The following THBS2 variants were observed in gnomAD, a reference collection of about 807,000 sequenced individuals.
THBS2 encodes thrombospondin-2.
THBS2 carries 47 observed loss-of-function variants against 135.2 expected under a neutral mutation model. The ratio of observed to expected loss-of-function variants is 0.35; its 90% confidence interval spans 0.28 to 0.44. THBS2 has a LOEUF of 0.44. Ranked by LOEUF, THBS2 falls within the 20% of genes least tolerant of loss-of-function variation. The probability of loss-of-function intolerance (pLI) is 1.00; values close to 1 mark genes in which losing one functional copy is unlikely to be tolerated. For synonymous variants in THBS2, 639 were observed against 633.8 expected, an observed-to-expected ratio of 1.01 and a Z score of -0.12; for missense variants, 1,288 against 1,603.1, an observed-to-expected ratio of 0.80 and a Z score of 3.36.
intron 4 of THBS2, among the ~76,000 whole-genome samples, chr6:169,242,866 T>TC: frequency 1.2e-5 from 1 of 86,042 alleles, no homozygotes; most frequent in Non-Finnish European, 2.2e-5. Context: ...CCTTCCCACC[T>TC]TCCCACCTTC....
Position 169,237,336 on chromosome 6 carries a change from G to A in THBS2, c.1311C>T (p.Asp437=), listed in dbSNP as rs756305296. 40 of 1,613,078 alleles carry A rather than the reference G, an allele frequency of 2.5e-5. No homozygotes were observed. The East Asian group carries it at 6.9e-4, about 28-fold the overall frequency. Residue 437 remains aspartate (D), a synonymous_variant, in exon 9 of 22, where the codon GAC becomes GAT. Transcript: ENST00000617924. ...AAGGTGACCAGTGGCTCCAGCCGCC[G>A]TCCTGCCGGACTAACACAAGAAGCG... ...LSKCDTRIRQ[D]GGWSHWSPWS...
At position 169,238,590 on chromosome 6, in the gene THBS2, A is replaced by G. The variant is rs987364783; in HGVS notation, c.1130-795T>C. ...AGCATTCTGACTTTGTGAATACCTA[A>G]CAGGCACTTTTACGCATATTGAATT... On this transcript the variant is annotated intron_variant, in intron 7 of 21. Coordinates refer to ENST00000617924, the MANE Select transcript of THBS2 (RefSeq NM_003247.5). 2.0e-5 allele frequency among the ~76,000 whole-genome samples: 3 copies of G among 152,252 alleles called. No individual in the cohort carries two copies. The South Asian group carries it at 6.2e-4, about 31-fold the overall frequency.
rs1779221043 is a variant in THBS2 at position 169,217,630 on chromosome 6, G to C, written c.*192C>G. ...TCTAGTGGGTTAGATGTTCATCTCT[G>C]AGTTCCATTGATATTTATCCTCTGA... On this transcript the variant is annotated 3_prime_UTR_variant, in exon 22 of 22. Transcript: ENST00000617924. 1 of 548,162 alleles carries C rather than the reference G, an allele frequency of 1.8e-6. No homozygotes were observed. The allele number at this position is 548,162 out of a possible 1,614,324, so 34.0% of individuals were successfully genotyped here. A position where few individuals can be genotyped will look rare whatever the true frequency, so the allele number is the denominator to read the frequency against.
chr6:169,229,111 A>ACT (rs1779744432), intron 14 of THBS2, among the ~76,000 whole-genome samples: 2 of 152,268 alleles, frequency 1.3e-5, no homozygotes, highest in Non-Finnish European at 2.9e-5. Context: ...CATCAAAGTC[A>ACT]GATGTAAAAA....
rs1323978608 is a variant in THBS2 at position 169,232,076 on chromosome 6, C to T, written c.2055G>A (p.Ala685=). The change falls in exon 13 of 22, where the codon GCG becomes GCA. Residue 685 remains alanine, a synonymous_variant. Transcript: ENST00000617924. ...CCTCCCCGCAGATGAGCCCGTCGCC[C>T]GCGTAGCCTGTCTGGCACTCGCACT... ...MYKCECQTGY[A]GDGLICGEDS... is the part of the protein sequence containing the mutation. 1.2e-6 allele frequency: 2 copies of T among 1,614,000 alleles called. No homozygotes were observed. Among genetic ancestry groups the T allele is most frequent in the Admixed American group, 1.7e-5 (1 of 60,010 alleles).
chr6:169,243,012 C>T (rs1402575456), intron 4 of THBS2, among the ~76,000 whole-genome samples: 2 of 139,072 alleles, frequency 1.4e-5, no homozygotes, highest in African/African-American at 2.7e-5. Flanking sequence ...CACCTTCCCA[C>T]ATTCCCACCT....
In THBS2 at chr6:169,237,907, C is replaced by T. The variant is rs1780160009; in HGVS notation, c.1130-112G>A. 5.4e-6 allele frequency: 7 copies of T among 1,306,742 alleles called. No homozygotes were observed. The Middle Eastern group carries it at 1.6e-3, about 292-fold the overall frequency. The allele number at this position is 1,306,742 out of a possible 1,614,324, so 80.9% of individuals were successfully genotyped here. A position where few individuals can be genotyped will look rare whatever the true frequency, so the allele number is the denominator to read the frequency against. The stretch of plus-strand genomic sequence containing the variant: ...GGCCACAGTTCATGCATCCAGGAAT[C>T]TGAGGGGCCACTGCCTGGCTGGGGC... On this transcript the variant is annotated intron_variant, in intron 7 of 21. Coordinates refer to ENST00000617924, the MANE Select transcript of THBS2 (RefSeq NM_003247.5).
rs752282545 is a variant in THBS2 at position 169,248,750 on chromosome 6, C to T, written c.276G>A (p.Gln92=). The change falls in exon 3 of 22, where the codon CAG becomes CAA. Residue 92 remains glutamine, a synonymous_variant. Transcript: ENST00000617924. ...EGFFLTAQLK[Q]DGKSRGTLLA... is the part of the protein sequence containing the mutation. ...ACAGCGTGCCCCTGGACTTGCCGTC[C>T]TGCTTGAGCTGGGCCGTGAGGAAGA... is the stretch of plus-strand genomic sequence containing the variant. The T allele has an allele frequency of 3.7e-6, 6 of 1,613,198 alleles. No homozygotes were observed. The African/African-American group carries it at 5.3e-5, about 14-fold the overall frequency.
chr6:169,244,020 AG>A (rs969248187), intron 4 of THBS2, among the ~76,000 whole-genome samples: 1 of 152,216 alleles, frequency 6.6e-6, no homozygotes, highest in Non-Finnish European at 1.5e-5. Context: ...GTGTTGGCAA[AG>A]ATCTCCAAAT....
intron 12 of THBS2, 34 bp downstream of exon 12, chr6:169,232,630 C>T (rs1176218352): frequency 2.9e-5 from 45 of 1,563,224 alleles, no homozygotes; most frequent in Non-Finnish European, 3.7e-5. Context: ...TCCAAAGCCG[C>T]TCGCAACACA....
chr6:169,239,600 G>T lies in THBS2; in HGVS notation c.1128C>A (p.His376Gln). Residue 376 changes from histidine (H) to glutamine (Q), a missense_variant and splice_region_variant, in exon 7 of 22, where the codon CAC becomes CAA. Coordinates refer to ENST00000617924, the MANE Select transcript of THBS2 (RefSeq NM_003247.5). ...CGCTTGCCGGCTGGCGATACTCACA[G>T]TGGAGGCAGGAAGGGCAGCATTCGC... The part of the protein sequence containing the change: ...VEGECCPSCL[H>Q]SVDGEEGWSP... 6.3e-7 allele frequency: 1 copy of T among 1,598,674 alleles called. No homozygotes were observed.
At position 169,232,522 on chromosome 6, in the gene THBS2, G is replaced by A. The variant is rs1779880134; in HGVS notation, c.1932+142C>T. On this transcript the variant is annotated intron_variant, in intron 12 of 21. Transcript: ENST00000617924. ...AGAGCAGCGGCCCAGCCGAGCAGGT[G>A]CTCAGCTTCCCCGGGCCAGCCCCTC... 6 of 1,387,380 alleles carry A rather than the reference G, an allele frequency of 4.3e-6. No homozygotes were observed. The South Asian group carries it at 8.3e-5, about 19-fold the overall frequency. 85.9% of individuals were successfully genotyped at this position (1,387,380 alleles called of 1,614,324 possible). A position where few individuals can be genotyped will look rare whatever the true frequency, so the allele number is the denominator to read the frequency against.
intron 1 of THBS2, 121 bp from the exon 2 acceptor site, chr6:169,250,927 C>A: frequency 1.8e-6 from 1 of 547,084 alleles, no homozygotes; most frequent in Non-Finnish European, 3.1e-6. Flanking sequence ...AACTCAGCAC[C>A]AACTGGATTT....
chr6:169,233,459 G>A (rs1356559674), intron 10 of THBS2, among the ~76,000 whole-genome samples: 2 of 149,704 alleles, frequency 1.3e-5, no homozygotes, highest in African/African-American at 2.5e-5. Flanking sequence ...CAACTACCAC[G>A]TGCCACCTTC....
intron 4 of THBS2, among the ~76,000 whole-genome samples, chr6:169,244,701 G>A (rs1176227993): frequency 6.6e-6 from 1 of 152,076 alleles, no homozygotes; most frequent in Non-Finnish European, 1.5e-5. Flanking sequence ...CTGCACCCCA[G>A]GAACCCCCAG....
chr6:169,231,884 T>C, intron 13 of THBS2, 96 bp downstream of exon 13: 1 of 1,352,006 alleles, frequency 7.4e-7, no homozygotes, highest in East Asian at 2.5e-5. Context: ...CCAAATTCCC[T>C]GTGCTGCCCC....
rs1780636357 is a variant in THBS2, at chr6:169,248,461, G to A, written c.565C>T (p.Arg189Trp). Residue 189 changes from arginine to tryptophan, a missense_variant, in exon 3 of 22, where the codon CGG becomes TGG. Arg to Trp is a moderately radical substitution (Grantham distance 101). Around this residue, in one of 2 missense-constraint regions of THBS2, gnomAD observed 414 missense variants for 447.0 expected, o/e 0.93. Transcript: ENST00000617924. ...FYEHLQAEKS[R>W]MYVAKGSARE... ...GCAGAGCCTTTGGCCACGTACATCC[G>A]GCTCTTTTCCGCCTGCAGGTGCTCG... 1.2e-6 allele frequency: 2 copies of A among 1,612,422 alleles called. No individual in the cohort carries two copies. Among genetic ancestry groups the A allele is most frequent in the African/African-American group, 1.3e-5 (1 of 75,020 alleles).
intron 4 of THBS2, among the ~76,000 whole-genome samples, chr6:169,245,587 T>A (rs1274786784): frequency 3.9e-5 from 6 of 152,032 alleles, no homozygotes; most frequent in Non-Finnish European, 8.8e-5. Context: ...GGTCAGGAGA[T>A]CGAGACCATC....
At chr6:169,219,819 G>A in intron 21 of THBS2, 1 of 507,236 alleles carries the variant, frequency 2.0e-6, no homozygotes, top group Non-Finnish European at 3.8e-6. Context: ...TAACTATAGA[G>A]AAACTCCTTC....
Sources: gnomAD v4.1 joint callset for allele counts (sites outside exome capture counted in the v4.1 genomes callset) on GRCh38, gnomAD v4.1.1 for gene constraint, gnomAD v4.1.1 regional missense constraint, MANE v1.5 for transcripts, NCBI Gene and HGNC (gene_info 2026-07-23, HGNC 2026-07-21) for gene names.